The following KDM4C variants were observed in gnomAD, a reference collection of about 807,000 sequenced individuals.
The protein encoded by KDM4C is lysine demethylase 4C, also known as lysine-specific demethylase 4C.
A neutral mutation model predicts 129.3 loss-of-function variants in KDM4C; 81 were observed. The observed-to-expected ratio is 0.63, with a 90% CI of 0.52 to 0.75. KDM4C has a LOEUF of 0.75. Ranked by LOEUF, KDM4C falls within the 30% of genes least tolerant of loss-of-function variation. The pLI, the probability that KDM4C is intolerant of heterozygous loss-of-function variation, is 0.00. For synonymous variants in KDM4C, 573 were observed against 456.1 expected (o/e 1.26, Z -3.26); for missense variants, 1,457 against 1,304.0 (o/e 1.12, Z -1.81).
At position 7,169,855 on chromosome 9, in the gene KDM4C, G is replaced by A. The variant is rs780228226; in HGVS notation, c.2959G>A (p.Asp987Asn). 1 of 1,613,922 alleles carries A rather than the reference G, an allele frequency of 6.2e-7. No individual in the cohort carries two copies. Among genetic ancestry groups the A allele is most frequent in the Non-Finnish European group, 8.5e-7 (1 of 1,179,906 alleles). The change falls in exon 21 of 22, where the codon GAT (aspartate) becomes AAT (asparagine). Residue 987 changes from aspartate (D) to asparagine (N), a missense_variant. Coordinates refer to ENST00000381309, the MANE Select transcript of KDM4C (RefSeq NM_015061.6). ...GAAGAGAGAGGACATCTACACTTTA[G>A]ATGAAGAGTTACCCAAGAGAGTGAA... is the stretch of plus-strand genomic sequence containing the variant. ...AMKREDIYTL[D>N]EELPKRVKAR...
intron 4 of KDM4C, among the ~76,000 whole-genome samples, chr9:6,818,623 C>G (rs965697137): frequency 1.3e-5 from 2 of 152,166 alleles, no homozygotes; most frequent in African/African-American, 4.8e-5. Flanking sequence ...TATCTTTATG[C>G]TCTTACCAGT....
At chr9:7,108,845 G>A (rs1321118476) in intron 18 of KDM4C, among the ~76,000 whole-genome samples, 2 of 152,172 alleles carry the variant, frequency 1.3e-5, no homozygotes, top group Non-Finnish European at 2.9e-5. Context: ...TTCTTATCCT[G>A]TATTGTATTG....
At chr9:6,960,305 A>G (rs1829810623) in intron 8 of KDM4C, among the ~76,000 whole-genome samples, 1 of 144,056 alleles carries the variant, frequency 6.9e-6, no homozygotes, top group African/African-American at 2.6e-5. Context: ...TTTTTTAAAT[A>G]CAGGGTCTCT....
In KDM4C at chr9:7,165,369, C is replaced by T; in HGVS notation, c.2901+12C>T. On this transcript the variant is annotated intron_variant, in intron 20 of 21. Transcript: ENST00000381309. ...CCCACATGTACCAGGTGGGTTCTTC[C>T]TTCTCTGTGATGCTTGCTAAGATTG... The T allele has an allele frequency of 2.5e-6, 4 of 1,613,018 alleles. No homozygotes were observed. Among genetic ancestry groups the T allele is most frequent in the Non-Finnish European group, 3.4e-6 (4 of 1,179,430 alleles).
intron 5 of KDM4C, among the ~76,000 whole-genome samples, chr9:6,874,473 C>A (rs1843268964): frequency 1.3e-5 from 2 of 152,128 alleles, no homozygotes; most frequent in African/African-American, 4.8e-5. Flanking sequence ...ATTTTCAAAA[C>A]TTGTTTAGAT....
chr9:6,929,620 CTT>C (rs1456880819), intron 8 of KDM4C, among the ~76,000 whole-genome samples: 1 of 151,870 alleles, frequency 6.6e-6, no homozygotes, highest in Non-Finnish European at 1.5e-5. Context: ...TGGGTAGACT[CTT>C]TTTAGCAGCC....
intron 11 of KDM4C, among the ~76,000 whole-genome samples, chr9:6,988,996 A>G (rs888585606): frequency 6.6e-6 from 1 of 151,700 alleles, no homozygotes; most frequent in Non-Finnish European, 1.5e-5. Flanking sequence ...TTACCCCTCT[A>G]TAATCTACAC....
intron 19 of KDM4C, among the ~76,000 whole-genome samples, chr9:7,128,836 C>T (rs1840310662): frequency 6.6e-6 from 1 of 152,110 alleles, no homozygotes; most frequent in Non-Finnish European, 1.5e-5. Flanking sequence ...TCCATCTCCT[C>T]CTTCCTCTGT....
At chr9:6,740,659 C>T (rs1817663612) in intron 1 of KDM4C, among the ~76,000 whole-genome samples, 1 of 152,122 alleles carries the variant, frequency 6.6e-6, no homozygotes, top group African/African-American at 2.4e-5. Flanking sequence ...GCTGGGATTA[C>T]AGGCGCGCGC....
intron 17 of KDM4C, among the ~76,000 whole-genome samples, chr9:7,052,902 C>CAGCGAGG (rs1830387668): frequency 2.3e-5 from 1 of 44,066 alleles, no homozygotes; most frequent in African/African-American, 7.3e-5. Flanking sequence ...AGAGAGAGAG[C>CAGCGAGG]GAGCGAGTGC....
chr9:6,765,822 T>G (rs776459531), intron 1 of KDM4C, among the ~76,000 whole-genome samples: 5 of 152,202 alleles, frequency 3.3e-5, no homozygotes, highest in Non-Finnish European at 7.3e-5. Context: ...GGAGTCTTTC[T>G]CTGTCACCCA....
At chr9:6,805,556 A>G in intron 2 of KDM4C, 43 bp from the exon 3 acceptor site, 1 of 1,407,796 alleles carries the variant, frequency 7.1e-7, no homozygotes, top group South Asian at 1.4e-5. Flanking sequence ...AATTACTTGG[A>G]GTATTTTCAA....
At chr9:6,865,032 A>G (rs1443924471) in intron 5 of KDM4C, among the ~76,000 whole-genome samples, 3 of 133,592 alleles carry the variant, frequency 2.2e-5, no homozygotes, top group Non-Finnish European at 3.2e-5. Context: ...TTTGTGAGAT[A>G]GAGTCTTGCT....
In KDM4C at chr9:6,758,068, G is replaced by C; in HGVS notation, c.-153G>C. 3 of 985,498 alleles carry C rather than the reference G, an allele frequency of 3.0e-6. No individual in the cohort carries two copies. The highest frequency in any genetic ancestry group is 3.6e-6 in the Non-Finnish European group (3 of 829,984). The allele number at this position is 985,498 out of a possible 1,614,324, so 61.0% of individuals were successfully genotyped here. A position where few individuals can be genotyped will look rare whatever the true frequency, so the allele number is the denominator to read the frequency against. ...GCAGTGATCGGGCGGCCGGGGTCCT[G>C]TGCGCGTGCGCAGCGAACAGCTGTC... On this transcript the variant is annotated 5_prime_UTR_variant, in exon 1 of 22. Transcript: ENST00000381309. This position sits in a 1 kb window ranked among gnomAD's most constrained non-coding sequence, Gnocchi z 4.6.
chr9:6,797,353 G>A (rs1426375810), intron 2 of KDM4C, among the ~76,000 whole-genome samples: 1 of 152,194 alleles, frequency 6.6e-6, no homozygotes, highest in African/African-American at 2.4e-5. Flanking sequence ...AATTGGTCGA[G>A]TAGGTGCAAC....
intron 5 of KDM4C, among the ~76,000 whole-genome samples, chr9:6,876,124 G>A (rs1843515079): frequency 1.3e-5 from 2 of 152,160 alleles, no homozygotes; most frequent in African/African-American, 4.8e-5. Context: ...TTATGTGCCT[G>A]TCTGACCCTT....
intron 17 of KDM4C, among the ~76,000 whole-genome samples, chr9:7,074,659 TA>T (rs1045392808): frequency 1.1e-4 from 17 of 152,196 alleles, no homozygotes; most frequent in African/African-American, 4.1e-4. Flanking sequence ...GGCATCTTAT[TA>T]AATTCAGATT....
intron 19 of KDM4C, among the ~76,000 whole-genome samples, chr9:7,136,766 G>A (rs999578974): frequency 6.6e-6 from 1 of 152,058 alleles, no homozygotes; most frequent in Non-Finnish European, 1.5e-5. Context: ...CTCCTGGTTC[G>A]TGTCTTGTTT....
At chr9:6,761,346 T>A (rs913241314) in intron 1 of KDM4C, among the ~76,000 whole-genome samples, 1 of 152,078 alleles carries the variant, frequency 6.6e-6, no homozygotes, top group African/African-American at 2.4e-5. Context: ...GTTCTTTTTT[T>A]TTTTGGAGAC....
Sources: gnomAD v4.1 joint callset for allele counts (sites outside exome capture counted in the v4.1 genomes callset) on GRCh38, gnomAD v4.1.1 for gene constraint, Gnocchi (gnomAD v3.1) non-coding constraint, MANE v1.5 for transcripts, NCBI Gene and HGNC (gene_info 2026-07-23, HGNC 2026-07-21) for gene names.